The following CAMTA1 variants were observed in gnomAD, a reference collection of about 807,000 sequenced individuals.
CAMTA1 encodes calmodulin binding transcription activator 1.
A neutral mutation model predicts 170.9 loss-of-function variants in CAMTA1; 27 were observed. That is an observed-to-expected ratio of 0.16 (90% CI 0.12 to 0.22). The LOEUF is 0.22. CAMTA1 is among the 10% of genes least tolerant of loss of function. The pLI is 1.00. For missense variants in CAMTA1, 1,619 were observed against 2,217.2 expected, an observed-to-expected ratio of 0.73 and a Z score of 5.42; for synonymous variants, 833 against 891.5, an observed-to-expected ratio of 0.93 and a Z score of 1.17.
chr1:7,006,081 C>CA, intron 3 of CAMTA1, among the ~76,000 whole-genome samples: 1 of 152,282 alleles, frequency 6.6e-6, no homozygotes, highest in Admixed American at 6.5e-5. Flanking sequence ...CTGTGCCAGT[C>CA]ACAGTGTCTC....
At chr1:7,399,839 CT>C (rs1394243921) in intron 5 of CAMTA1, among the ~76,000 whole-genome samples, 1 of 152,144 alleles carries the variant, frequency 6.6e-6, no homozygotes, top group Non-Finnish European at 1.5e-5. Flanking sequence ...GAGAAATCTG[CT>C]GATAGTTTAA....
chr1:6,828,752 T>TTA (rs1648353287), intron 3 of CAMTA1, among the ~76,000 whole-genome samples: 1 of 152,166 alleles, frequency 6.6e-6, no homozygotes, highest in African/African-American at 2.4e-5. Context: ...AGAGCATACT[T>TTA]GATAGAGCCT....
chr1:7,164,429 G>A (rs961567094), intron 4 of CAMTA1, among the ~76,000 whole-genome samples: 2 of 152,232 alleles, frequency 1.3e-5, no homozygotes, highest in Non-Finnish European at 2.9e-5. Context: ...AAAGCTAGGG[G>A]TTTGATGGGC....
intron 5 of CAMTA1, among the ~76,000 whole-genome samples, chr1:7,326,685 C>A (rs116464684): frequency 0.03 from 4,608 of 152,280 alleles, 114 homozygotes; most frequent in Middle Eastern, 0.044. Flanking sequence ...TCCCTCACAG[C>A]CTTCAGAGAG....
chr1:7,515,251 G>A (rs1193947342), intron 6 of CAMTA1, among the ~76,000 whole-genome samples: 2 of 152,156 alleles, frequency 1.3e-5, no homozygotes, highest in East Asian at 1.9e-4. Context: ...GTCACTCACC[G>A]GCAGAGCTTA....
chr1:6,838,474 A>G (rs1374805078), intron 3 of CAMTA1, among the ~76,000 whole-genome samples: 2 of 152,178 alleles, frequency 1.3e-5, no homozygotes, highest in African/African-American at 4.8e-5. Flanking sequence ...AGCCCAGGAA[A>G]GGCAATTTAT....
At position 7,341,910 on chromosome 1, in the gene CAMTA1, G is replaced by A. The variant is rs1365721777; in HGVS notation, c.438+92284G>A. ...CTTCCTCGCCTCCTCCCCCACCAGG[G>A]CCCATCATGCTGGAGGGCAGATAAC... On this transcript the variant is annotated intron_variant, in intron 5 of 22. Transcript: ENST00000303635. Among the ~76,000 whole-genome samples the A allele has an allele frequency of 2.0e-5, 3 of 152,262 alleles. No individual in the cohort carries two copies. In the East Asian group the frequency reaches 5.8e-4, roughly 30 times the overall value.
intron 6 of CAMTA1, among the ~76,000 whole-genome samples, chr1:7,620,448 A>G (rs541690988): frequency 6.6e-6 from 1 of 152,276 alleles, no homozygotes; most frequent in South Asian, 2.1e-4. Context: ...TGGCTTACCA[A>G]TGAGATGTGA....
chr1:7,744,674 T>C (rs376464732), intron 16 of CAMTA1, among the ~76,000 whole-genome samples, 161 bp from the exon 17 acceptor site: 1 of 152,214 alleles, frequency 6.6e-6, no homozygotes, highest in African/African-American at 2.4e-5. Context: ...TGGTGTGTTA[T>C]GTTATAACCT....
intron 3 of CAMTA1, among the ~76,000 whole-genome samples, chr1:6,860,726 C>T (rs1421180090): frequency 6.6e-6 from 1 of 152,042 alleles, no homozygotes; most frequent in Non-Finnish European, 1.5e-5. Flanking sequence ...GCCTGGCCAA[C>T]ATGGTGAAAC....
intron 5 of CAMTA1, among the ~76,000 whole-genome samples, chr1:7,332,029 C>G (rs2083065740): frequency 6.6e-6 from 1 of 152,208 alleles, no homozygotes; most frequent in African/African-American, 2.4e-5. Flanking sequence ...AACCCTGTAA[C>G]TCCATCCTTA....
chr1:7,628,127 G>A (rs543436113), intron 6 of CAMTA1, among the ~76,000 whole-genome samples: 1 of 152,310 alleles, frequency 6.6e-6, no homozygotes, highest in African/African-American at 2.4e-5. Context: ...TTGCATCGAG[G>A]CTTTGTGTCT....
intron 5 of CAMTA1, among the ~76,000 whole-genome samples, chr1:7,365,296 A>G (rs2085878648): frequency 6.6e-6 from 1 of 152,182 alleles, no homozygotes; most frequent in African/African-American, 2.4e-5. Flanking sequence ...ATCACCCTCG[A>G]ATTATCTCTA....
At chr1:7,549,955 A>G (rs1327158533) in intron 6 of CAMTA1, among the ~76,000 whole-genome samples, 1 of 152,028 alleles carries the variant, frequency 6.6e-6, no homozygotes, top group Non-Finnish European at 1.5e-5. Context: ...TAAGAGACAG[A>G]GGTTAGGGGC....
intron 6 of CAMTA1, among the ~76,000 whole-genome samples, chr1:7,478,985 G>C (rs2093469418): frequency 6.6e-6 from 1 of 152,220 alleles, no homozygotes; most frequent in African/African-American, 2.4e-5. Flanking sequence ...AGGGCAAAGA[G>C]TGAAATCCAG....
rs560113024 is a variant in CAMTA1 at position 7,758,828 on chromosome 1, G to C, written c.4989+3160G>C. ...CGGGCGCCTGTAGTCCCAGCTACTC[G>C]GGAGGCTGAGGCAGGAGAATGGTGT... is the stretch of plus-strand genomic sequence containing the variant. On this transcript the variant is annotated intron_variant, in intron 22 of 22. Coordinates refer to ENST00000303635, the MANE Select transcript of CAMTA1 (RefSeq NM_015215.4). 1.5e-3 allele frequency among the ~76,000 whole-genome samples: 235 copies of C among 151,632 alleles called. 1 individual carries two copies. Among genetic ancestry groups the C allele is most frequent in the Non-Finnish European group, 2.8e-3 (188 of 67,860 alleles).
chr1:7,456,242 GAGGGAGGA>G lies in CAMTA1; in HGVS notation c.439-11575_439-11568del, dbSNP rs1260899440. Among the ~76,000 whole-genome samples the G allele has an allele frequency of 1.4e-5, 2 of 143,906 alleles. No individual in the cohort carries two copies. The highest frequency in any genetic ancestry group is 2.5e-5 in the African/African-American group (1 of 39,522). 94.4% of individuals were successfully genotyped at this position (143,906 alleles called of 152,430 possible). A position where few individuals can be genotyped will look rare whatever the true frequency, so the allele number is the denominator to read the frequency against. ...GGAGAGAGGGAGGGAGAGAAGGAGG[GAGGGAGGA>G]AGGGAGGAAGGGGGGCAGGGAGGCA... On this transcript the variant is annotated intron_variant, in intron 5 of 22. Transcript: ENST00000303635. This position sits in a 1 kb window ranked among gnomAD's most constrained non-coding sequence, Gnocchi z 4.9.
chr1:7,564,485 C>T (rs1015935404), intron 6 of CAMTA1, among the ~76,000 whole-genome samples: 3 of 152,232 alleles, frequency 2.0e-5, no homozygotes, highest in African/African-American at 4.8e-5. Flanking sequence ...CGTGGGAAAA[C>T]GGGCTCCTCT....
intron 4 of CAMTA1, among the ~76,000 whole-genome samples, chr1:7,152,394 A>G (rs141250865): frequency 7.0e-4 from 107 of 152,222 alleles, no homozygotes; most frequent in African/African-American, 2.5e-3. Flanking sequence ...AGGCAAATGG[A>G]GACTTTGAAG....
Sources: gnomAD v4.1 joint callset for allele counts (sites outside exome capture counted in the v4.1 genomes callset) on GRCh38, gnomAD v4.1.1 for gene constraint, Gnocchi (gnomAD v3.1) non-coding constraint, MANE v1.5 for transcripts, NCBI Gene and HGNC (gene_info 2026-07-23, HGNC 2026-07-21) for gene names.